The following TMEM132C variants were observed in gnomAD, a reference collection of about 807,000 sequenced individuals.
TMEM132C encodes the protein transmembrane protein 132C, also known as protein phosphatase 1, regulatory subunit 152.
TMEM132C carries 29 observed loss-of-function variants against 61.4 expected under a neutral mutation model. The observed-to-expected ratio is 0.47, with a 90% CI of 0.35 to 0.64. The LOEUF (loss-of-function observed/expected upper bound fraction) is 0.64, where lower values mean the gene tolerates loss of function less well. Ranked by LOEUF, TMEM132C falls within the 30% of genes least tolerant of loss-of-function variation. The pLI is 0.00. For missense variants in TMEM132C, 1,408 were observed against 1,476.9 expected, an observed-to-expected ratio of 0.95 and a Z score of 0.76; for synonymous variants, 656 against 633.1, an observed-to-expected ratio of 1.04 and a Z score of -0.54.
intron 1 of TMEM132C, among the ~76,000 whole-genome samples, chr12:128,364,619 A>G (rs562047214): frequency 3.0e-4 from 46 of 152,072 alleles, no homozygotes; most frequent in Non-Finnish European, 5.3e-4. Context: ...TTCAGAAGCC[A>G]TTTCAAGGCT....
chr12:128,614,189 A>C (rs533805560), intron 3 of TMEM132C, among the ~76,000 whole-genome samples: 9 of 152,284 alleles, frequency 5.9e-5, no homozygotes, highest in Admixed American at 3.9e-4. Context: ...AGCTCGGCCA[A>C]CTTCCCCTTC....
chr12:128,646,509 A>T (rs1359075595), intron 4 of TMEM132C, among the ~76,000 whole-genome samples: 2 of 144,770 alleles, frequency 1.4e-5, no homozygotes, highest in Non-Finnish European at 2.9e-5. Context: ...TGTTTACTGG[A>T]GTCCATCAGC....
chr12:128,643,008 T>C (rs1250810018), intron 4 of TMEM132C, among the ~76,000 whole-genome samples: 2 of 152,206 alleles, frequency 1.3e-5, no homozygotes, highest in African/African-American at 4.8e-5. Flanking sequence ...GGGTCTCTTC[T>C]TATCATTGTA....
chr12:128,444,985 C>T (rs1389003797), intron 2 of TMEM132C, among the ~76,000 whole-genome samples: 2 of 152,098 alleles, frequency 1.3e-5, no homozygotes, highest in African/African-American at 2.4e-5. Flanking sequence ...GCAAATATAT[C>T]GGGCTTTCCC....
chr12:128,268,623 A>G (rs1347359172), intron 1 of TMEM132C, among the ~76,000 whole-genome samples: 1 of 152,160 alleles, frequency 6.6e-6, no homozygotes, highest in Non-Finnish European at 1.5e-5. Flanking sequence ...GGCTCTGAGC[A>G]GAGAACACTC....
At chr12:128,519,886 G>C (rs1565960788) in intron 2 of TMEM132C, among the ~76,000 whole-genome samples, 1 of 152,212 alleles carries the variant, frequency 6.6e-6, no homozygotes, top group Non-Finnish European at 1.5e-5. Flanking sequence ...CCTGACTTCT[G>C]CTAGGTCTCT....
intron 2 of TMEM132C, among the ~76,000 whole-genome samples, chr12:128,457,878 G>C (rs1342059977): frequency 1.3e-5 from 2 of 152,154 alleles, no homozygotes; most frequent in Non-Finnish European, 1.5e-5. Context: ...CATGCAGTTA[G>C]TAAGGATCTA....
At chr12:128,469,497 G>T (rs989181201) in intron 2 of TMEM132C, among the ~76,000 whole-genome samples, 1 of 151,690 alleles carries the variant, frequency 6.6e-6, no homozygotes, top group Non-Finnish European at 1.5e-5. Flanking sequence ...CTGTATGTTT[G>T]GTAGAGACAG....
chr12:128,630,210 C>G lies in TMEM132C; in HGVS notation c.1305+13875C>G, dbSNP rs139163255. Among the ~76,000 whole-genome samples, 28 of 152,222 alleles carry G rather than the reference C, an allele frequency of 1.8e-4. No individual in the cohort carries two copies. The highest frequency in any genetic ancestry group is 3.5e-4 in the Non-Finnish European group (24 of 68,004). ...CAAGCCCAGGAATCTGCATCCCTAACAAGCTCCAGGGACCCCACTTTGAGA... is the reference window on the plus strand; with the variant it reads ...CAAGCCCAGGAATCTGCATCCCTAAGAAGCTCCAGGGACCCCACTTTGAGA... On this transcript the variant is annotated intron_variant, in intron 4 of 8. Transcript: ENST00000435159. This position sits in a 1 kb window ranked among gnomAD's most constrained non-coding sequence, Gnocchi z 4.3.
intron 3 of TMEM132C, among the ~76,000 whole-genome samples, chr12:128,601,620 G>A (rs779998744): frequency 6.6e-6 from 1 of 152,124 alleles, no homozygotes; most frequent in Non-Finnish European, 1.5e-5. Flanking sequence ...AGATGGGCGA[G>A]CCCTGGGGAA....
At position 128,653,678 on chromosome 12, in the gene TMEM132C, G is replaced by A. The variant is rs114121650; in HGVS notation, c.1306-15739G>A. On this transcript the variant is annotated intron_variant, in intron 4 of 8. Coordinates refer to ENST00000435159, the MANE Select transcript of TMEM132C (RefSeq NM_001136103.3). ...TGAAGTGGGGGAGAATGTAAGTGCC[G>A]GCTCATTGGGCTGTTGAAACTAGAT... 5.6e-3 allele frequency among the ~76,000 whole-genome samples: 849 copies of A among 152,244 alleles called. 7 individuals carry two copies. Among genetic ancestry groups the A allele is most frequent in the African/African-American group, 0.019 (772 of 41,518 alleles).
At chr12:128,676,846 C>T (rs889106216) in intron 5 of TMEM132C, among the ~76,000 whole-genome samples, 3 of 152,190 alleles carry the variant, frequency 2.0e-5, no homozygotes, top group Admixed American at 6.5e-5. Context: ...AACATGAAGC[C>T]AGGCCAGTGT....
chr12:128,478,576 T>A (rs984737662), intron 2 of TMEM132C, among the ~76,000 whole-genome samples: 48 of 152,228 alleles, frequency 3.2e-4, no homozygotes, highest in Admixed American at 3.1e-3. Context: ...CCTCTGCTTC[T>A]AATTGAACTG....
At chr12:128,614,971 G>A (rs993969943) in intron 3 of TMEM132C, among the ~76,000 whole-genome samples, 1 of 152,178 alleles carries the variant, frequency 6.6e-6, no homozygotes, top group Non-Finnish European at 1.5e-5. Context: ...GATGCCAGGG[G>A]CACCCCACAG....
At chr12:128,290,320 C>T (rs900281110) in intron 1 of TMEM132C, among the ~76,000 whole-genome samples, 4 of 152,040 alleles carry the variant, frequency 2.6e-5, no homozygotes, top group African/African-American at 4.8e-5. Flanking sequence ...AAGCAAGGGA[C>T]GTCCTACATG....
chr12:128,643,505 G>A (rs1038065567), intron 4 of TMEM132C, among the ~76,000 whole-genome samples: 5 of 151,590 alleles, frequency 3.3e-5, no homozygotes, highest in South Asian at 4.2e-4. Context: ...AGAGAGCAGC[G>A]GCAAGTCACA....
At chr12:128,423,995 C>T (rs146096965) in intron 2 of TMEM132C, among the ~76,000 whole-genome samples, 5,827 of 136,224 alleles carry the variant, frequency 0.043, 372 homozygotes, top group African/African-American at 0.15. Context: ...TGCAGTGAGC[C>T]GAGATCATGC....
At chr12:128,320,687 C>T (rs986967356) in intron 1 of TMEM132C, among the ~76,000 whole-genome samples, 2 of 151,894 alleles carry the variant, frequency 1.3e-5, no homozygotes, top group African/African-American at 4.8e-5. Context: ...GTGGAAGGAT[C>T]ACTTGCACCT....
At chr12:128,550,070 G>T (rs986875862) in intron 3 of TMEM132C, among the ~76,000 whole-genome samples, 6 of 152,224 alleles carry the variant, frequency 3.9e-5, no homozygotes, top group African/African-American at 1.4e-4. Flanking sequence ...CCCTCGGTAG[G>T]TGTGTTAGCC....
Sources: gnomAD v4.1 joint callset for allele counts (sites outside exome capture counted in the v4.1 genomes callset) on GRCh38, gnomAD v4.1.1 for gene constraint, Gnocchi (gnomAD v3.1) non-coding constraint, MANE v1.5 for transcripts, NCBI Gene and HGNC (gene_info 2026-07-23, HGNC 2026-07-21) for gene names.